IMMP2L: variants seen among roughly 807,000 people sequenced by gnomAD.
IMMP2L encodes the protein mitochondrial inner membrane protease subunit 2.
A neutral mutation model predicts 19.3 loss-of-function variants in IMMP2L; 18 were observed. That is an observed-to-expected ratio of 0.93 (90% confidence interval 0.64 to 1.38). The LOEUF (loss-of-function observed/expected upper bound fraction) is 1.38. Among genes scored for constraint, IMMP2L ranks in the 40% most tolerant of loss-of-function variants. The pLI, the probability that IMMP2L is intolerant of heterozygous loss-of-function variation, is 0.00. For missense variants in IMMP2L, 233 were observed against 218.2 expected, an observed-to-expected ratio of 1.07 and a Z score of -0.43; for synonymous variants, 76 against 73.0, an observed-to-expected ratio of 1.04 and a Z score of -0.21.
Position 111,402,999 on chromosome 7 carries a change from C to A in IMMP2L, c.239+84239G>T, listed in dbSNP as rs527340931. ...GGCTCACTGCAGCCTTGACCCCCCCCCCCCACCCCGCCAGGCTCAGGTGAT... is the reference window on the plus strand; with the variant it reads ...GGCTCACTGCAGCCTTGACCCCCCCACCCCACCCCGCCAGGCTCAGGTGAT... On this transcript the variant is annotated intron_variant, in intron 3 of 5. Transcript: ENST00000405709. Among the ~76,000 whole-genome samples, 21 of 102,866 alleles carry A rather than the reference C, an allele frequency of 2.0e-4. 1 individual carries two copies. Among genetic ancestry groups the A allele is most frequent in the South Asian group, 8.6e-4 (2 of 2,328 alleles). The allele number at this position is 102,866 out of a possible 152,430, so 67.5% of individuals were successfully genotyped here. A position where few individuals can be genotyped will look rare whatever the true frequency, so the allele number is the denominator to read the frequency against.
chr7:111,502,097 T>C (rs1844335934), intron 2 of IMMP2L, among the ~76,000 whole-genome samples: 1 of 151,968 alleles, frequency 6.6e-6, no homozygotes, highest in Admixed American at 6.6e-5. Flanking sequence ...GAGACACACA[T>C]AGGCTCAAAA....
intron 3 of IMMP2L, among the ~76,000 whole-genome samples, chr7:111,305,851 T>C (rs756614431): frequency 6.6e-6 from 1 of 152,304 alleles, no homozygotes; most frequent in South Asian, 2.1e-4. Flanking sequence ...TATTGTTCTC[T>C]ATCTGCATTG....
chr7:110,696,780 C>T (rs17398064), intron 5 of IMMP2L, among the ~76,000 whole-genome samples: 33,224 of 151,888 alleles, frequency 0.22, 4,138 homozygotes, highest in Non-Finnish European at 0.28. Flanking sequence ...AAATGGGTAT[C>T]GGAAAGCTCA....
intron 3 of IMMP2L, among the ~76,000 whole-genome samples, chr7:111,016,681 T>G (rs1285993558): frequency 9.5e-6 from 1 of 105,606 alleles, no homozygotes; most frequent in African/African-American, 4.0e-5. Flanking sequence ...ATATAATATA[T>G]AAATTATATT....
chr7:110,818,535 C>T, intron 5 of IMMP2L, among the ~76,000 whole-genome samples: 1 of 152,104 alleles, frequency 6.6e-6, no homozygotes, highest in South Asian at 2.1e-4. Context: ...ACTAGTTCAA[C>T]CATTGTGGAA....
intron 3 of IMMP2L, among the ~76,000 whole-genome samples, chr7:111,196,830 T>C (rs1471954081): frequency 1.3e-5 from 2 of 152,164 alleles, no homozygotes; most frequent in Non-Finnish European, 2.9e-5. Flanking sequence ...CTATTTGCAG[T>C]TTTACATTTT....
At chr7:110,714,316 TTTTG>T (rs1795097965) in intron 5 of IMMP2L, among the ~76,000 whole-genome samples, 1 of 152,164 alleles carries the variant, frequency 6.6e-6, no homozygotes, top group Non-Finnish European at 1.5e-5. Flanking sequence ...CACTGTTGGA[TTTTG>T]TTTGCTAGTA....
chr7:111,487,216 A>T, intron 3 of IMMP2L, 22 bp downstream of exon 3: 3 of 1,045,192 alleles, frequency 2.9e-6, no homozygotes, highest in Non-Finnish European at 4.5e-6. Flanking sequence ...ATACAAATAT[A>T]GTATGCTTCT....
chr7:110,901,464 A>G (rs258987), intron 4 of IMMP2L, among the ~76,000 whole-genome samples: 5,566 of 152,260 alleles, frequency 0.037, 130 homozygotes, highest in South Asian at 0.072. Flanking sequence ...ATCTTCAGGT[A>G]ACACAGTCAT....
intron 3 of IMMP2L, among the ~76,000 whole-genome samples, chr7:111,353,781 T>C (rs1828420756): frequency 1.3e-5 from 2 of 152,052 alleles, no homozygotes; most frequent in African/African-American, 2.4e-5. Flanking sequence ...ACTTAATATA[T>C]CAAAAGACTA....
At chr7:111,485,617 A>AAAAAAAAAAAC (rs1563252461) in intron 3 of IMMP2L, among the ~76,000 whole-genome samples, 8 of 147,144 alleles carry the variant, frequency 5.4e-5, no homozygotes, top group African/African-American at 1.8e-4. Flanking sequence ...AAAAAAAAAA[A>AAAAAAAAAAAC]AAAAAAAACA....
At chr7:111,000,855 A>C (rs1479543119) in intron 3 of IMMP2L, among the ~76,000 whole-genome samples, 1 of 152,094 alleles carries the variant, frequency 6.6e-6, no homozygotes, top group Non-Finnish European at 1.5e-5. Flanking sequence ...TTAAAAAAAA[A>C]AAAAAACAGA....
chr7:111,044,885 AT>A (rs1201977221), intron 3 of IMMP2L, among the ~76,000 whole-genome samples: 11 of 152,214 alleles, frequency 7.2e-5, no homozygotes, highest in African/African-American at 2.7e-4. Flanking sequence ...TTTGATTATA[AT>A]TTATTTATGT....
At chr7:110,855,834 TAGAC>T (rs973768862) in intron 5 of IMMP2L, among the ~76,000 whole-genome samples, 5 of 151,968 alleles carry the variant, frequency 3.3e-5, no homozygotes, top group South Asian at 2.1e-4. Context: ...AACTTAAACT[TAGAC>T]AGGTACTTGC....
intron 3 of IMMP2L, among the ~76,000 whole-genome samples, chr7:111,322,003 AT>A (rs1824771660): frequency 6.6e-6 from 1 of 151,982 alleles, no homozygotes; most frequent in South Asian, 2.1e-4. Context: ...GCCCATAACT[AT>A]TTTAAAACCC....
chr7:110,684,579 G>T (rs1444824716), intron 5 of IMMP2L, among the ~76,000 whole-genome samples: 1 of 151,966 alleles, frequency 6.6e-6, no homozygotes, highest in African/African-American at 2.4e-5. Flanking sequence ...GAGGTTGACT[G>T]TTAAAACTCT....
intron 5 of IMMP2L, among the ~76,000 whole-genome samples, chr7:110,673,936 C>A (rs534192738): frequency 1.3e-5 from 2 of 152,190 alleles, no homozygotes; most frequent in Admixed American, 6.5e-5. Flanking sequence ...ACTGTTCCAA[C>A]CTTTGCCTGT....
At chr7:110,973,804 T>C (rs148067810) in intron 3 of IMMP2L, among the ~76,000 whole-genome samples, 127 of 152,276 alleles carry the variant, frequency 8.3e-4, no homozygotes, top group African/African-American at 2.8e-3. Context: ...AAATGGACTC[T>C]AATCTCTACA....
intron 4 of IMMP2L, among the ~76,000 whole-genome samples, chr7:110,892,206 G>C (rs1027678075): frequency 6.6e-6 from 1 of 152,044 alleles, no homozygotes; most frequent in Non-Finnish European, 1.5e-5. Flanking sequence ...CCTCTGGTCC[G>C]TTCCCTGAGT....
Sources: gnomAD v4.1 joint callset for allele counts (sites outside exome capture counted in the v4.1 genomes callset) on GRCh38, gnomAD v4.1.1 for gene constraint, MANE v1.5 for transcripts, NCBI Gene and HGNC (gene_info 2026-07-23, HGNC 2026-07-21) for gene names.